The following CIMAP1D variants were observed in gnomAD, a reference collection of about 807,000 sequenced individuals.
CIMAP1D encodes the protein CIMAP1 family member D, also known as protein CIMAP1D.
the CIMAP1D span, among the ~76,000 whole-genome samples, chr19:464,741 C>T: frequency 6.6e-6 from 1 of 152,146 alleles, no homozygotes; most frequent in African/African-American, 2.4e-5. Context: ...AGACTGGGAT[C>T]CCATAAAAAG....
At chr19:475,121 T>A in the CIMAP1D span, 1 of 198,082 alleles carries the variant, frequency 5.0e-6, no homozygotes, top group Non-Finnish European at 1.0e-5. Flanking sequence ...CCCACAGCCT[T>A]GCAGCAGGAG....
At chr19:479,763 C>T in the CIMAP1D span, among the ~76,000 whole-genome samples, 1 of 151,786 alleles carries the variant, frequency 6.6e-6, no homozygotes, top group Non-Finnish European at 1.5e-5. Context: ...GTCTCGATCT[C>T]CTGACCTTGT....
chr19:484,172 A>G, the CIMAP1D span, among the ~76,000 whole-genome samples: 1 of 111,130 alleles, frequency 9.0e-6, no homozygotes, highest in Non-Finnish European at 1.7e-5. Flanking sequence ...ACAGAGTTTC[A>G]CTCTTGTCAC....
chr19:477,740 G>A, the CIMAP1D span, among the ~76,000 whole-genome samples: 1 of 152,186 alleles, frequency 6.6e-6, no homozygotes, highest in African/African-American at 2.4e-5. Context: ...TCGGCTCACT[G>A]CGAGCTCCGC....
At chr19:468,430 G>A in the CIMAP1D span, among the ~76,000 whole-genome samples, 4 of 152,140 alleles carry the variant, frequency 2.6e-5, no homozygotes, top group African/African-American at 7.2e-5. Flanking sequence ...CAGGGCTTCG[G>A]CTTGCTGGCA....
chr19:490,122 G>T, the CIMAP1D span: 1 of 391,360 alleles, frequency 2.6e-6, no homozygotes, highest in Non-Finnish European at 4.5e-6. Context: ...GTGGGAGGCC[G>T]AGGCAGGTGG....
chr19:468,570 C>G, the CIMAP1D span, among the ~76,000 whole-genome samples: 1 of 151,250 alleles, frequency 6.6e-6, no homozygotes, highest in Non-Finnish European at 1.5e-5. Context: ...TTGAGAAAAT[C>G]AAAAAGTGAG....
At chr19:465,123 GTTGA>G in the CIMAP1D span, among the ~76,000 whole-genome samples, 1 of 39,434 alleles carries the variant, frequency 2.5e-5, no homozygotes, top group South Asian at 1.1e-3. Flanking sequence ...GGATGGATGG[GTTGA>G]TGAGTGGATG....
At chr19:477,339 C>T in the CIMAP1D span, among the ~76,000 whole-genome samples, 4 of 152,152 alleles carry the variant, frequency 2.6e-5, no homozygotes, top group South Asian at 2.1e-4. Flanking sequence ...TCTGGGAGGC[C>T]GAGGCGGGCG....
chr19:479,507 T>C, the CIMAP1D span, among the ~76,000 whole-genome samples: 1 of 150,240 alleles, frequency 6.7e-6, no homozygotes, highest in Non-Finnish European at 1.5e-5. Flanking sequence ...CAGGTTCAAG[T>C]GATCCTCCTG....
At chr19:481,279 TATGATGGGAAGG>T in the CIMAP1D span, among the ~76,000 whole-genome samples, 9 of 66,322 alleles carry the variant, frequency 1.4e-4, no homozygotes, top group Non-Finnish European at 2.0e-4. Flanking sequence ...GATGGGAAAG[TATGATGGGAAGG>T]ATGATGGGAA....
chr19:465,102 AGTGG>A, the CIMAP1D span, among the ~76,000 whole-genome samples: 1 of 13,830 alleles, frequency 7.2e-5, no homozygotes, highest in Non-Finnish European at 1.4e-4. Flanking sequence ...TGGATGGGTG[AGTGG>A]GTGGATGGAT....
chr19:463,932 C>A, the CIMAP1D span: 1 of 1,611,420 alleles, frequency 6.2e-7, no homozygotes, highest in African/African-American at 1.3e-5. Context: ...GTGGCGGATG[C>A]CCATAGAGAA....
chr19:474,437 G>A, the CIMAP1D span, among the ~76,000 whole-genome samples: 4,426 of 151,860 alleles, frequency 0.029, 165 homozygotes, highest in African/African-American at 0.094. Context: ...ACACATACTC[G>A]GGGCTCACGG....
the CIMAP1D span, among the ~76,000 whole-genome samples, chr19:488,950 G>A: frequency 7.2e-5 from 11 of 152,118 alleles, no homozygotes; most frequent in South Asian, 2.3e-3. Flanking sequence ...CAGCCGCCAG[G>A]GCGTCCGCGC....
At chr19:464,136 C>T in the CIMAP1D span, 44 of 986,802 alleles carry the variant, frequency 4.5e-5, no homozygotes, top group South Asian at 3.6e-4. Context: ...CTGCGGGGGG[C>T]GGGCGGGGGG....
chr19:468,502 G>T, the CIMAP1D span, among the ~76,000 whole-genome samples: 3 of 152,350 alleles, frequency 2.0e-5, no homozygotes, highest in Non-Finnish European at 4.4e-5. Flanking sequence ...AGGGCCTCTT[G>T]TGAGCTGGTG....
At chr19:489,943 C>G in the CIMAP1D span, 1 of 397,920 alleles carries the variant, frequency 2.5e-6, no homozygotes. Context: ...TTGGCCCCTG[C>G]CCGGTGCTGA....
chr19:484,800 C>T, the CIMAP1D span, among the ~76,000 whole-genome samples: 2 of 152,054 alleles, frequency 1.3e-5, no homozygotes, highest in Non-Finnish European at 2.9e-5. Flanking sequence ...CGTGAAGGGC[C>T]CTGAGGACAC....
Sources: allele counts gnomAD v4.1 joint callset (sites outside exome capture counted in the v4.1 genomes callset), GRCh38; gene constraint gnomAD v4.1.1; transcripts MANE v1.5; gene names NCBI Gene and HGNC (gene_info 2026-07-23, HGNC 2026-07-21).